TRPC6: variants seen among roughly 807,000 people sequenced by gnomAD.
TRPC6 encodes short transient receptor potential channel 6.
In TRPC6, 55 loss-of-function variants were observed where a neutral mutation model predicts 90.7. That is an observed-to-expected ratio of 0.61 (90% CI 0.49 to 0.76). The LOEUF (loss-of-function observed/expected upper bound fraction) is 0.76, where lower values mean the gene tolerates loss of function less well. Ranked by LOEUF, TRPC6 falls within the 30% of genes least tolerant of loss-of-function variation. The probability of loss-of-function intolerance (pLI) is 0.00; values close to 1 mark genes in which losing one functional copy is unlikely to be tolerated. For missense variants in TRPC6, 989 were observed against 1,122.7 expected, an observed-to-expected ratio of 0.88 and a Z score of 1.70; for synonymous variants, 393 against 393.0, an observed-to-expected ratio of 1.00 and a Z score of 0.00.
rs1251714929 is a variant in TRPC6 at position 101,558,201 on chromosome 11, G to C, written c.170+25133C>G. Among the ~76,000 whole-genome samples, 4 of 106,448 alleles carry C rather than the reference G, an allele frequency of 3.8e-5. 1 individual carries two copies. Among genetic ancestry groups the C allele is most frequent in the African/African-American group, 1.6e-4 (4 of 24,322 alleles). The allele number at this position is 106,448 out of a possible 152,430, so 69.8% of individuals were successfully genotyped here. A position where few individuals can be genotyped will look rare whatever the true frequency, so the allele number is the denominator to read the frequency against. ...TATATATAAACATACATATATATGT[G>C]TGTGTATACATGTATATATGTATAC... is the stretch of plus-strand genomic sequence containing the variant. On this transcript the variant is annotated intron_variant, in intron 1 of 12. Transcript: ENST00000344327.
chr11:101,547,671 A>G (rs914119818), intron 1 of TRPC6, among the ~76,000 whole-genome samples: 5 of 152,188 alleles, frequency 3.3e-5, no homozygotes, highest in African/African-American at 1.2e-4. Flanking sequence ...TGTAGAAGAC[A>G]TACTATGTTA....
chr11:101,526,789 G>A (rs564837959), intron 1 of TRPC6, among the ~76,000 whole-genome samples: 9 of 147,128 alleles, frequency 6.1e-5, no homozygotes, highest in South Asian at 4.3e-4. Flanking sequence ...TCGTCAACCC[G>A]GGAGGCGGAG....
intron 1 of TRPC6, among the ~76,000 whole-genome samples, chr11:101,570,012 A>C (rs960443572): frequency 2.0e-5 from 3 of 152,188 alleles, no homozygotes; most frequent in African/African-American, 7.2e-5. Flanking sequence ...ACAAGAAATA[A>C]GTAAGATCAG....
intron 1 of TRPC6, among the ~76,000 whole-genome samples, chr11:101,531,963 G>T (rs1262692171): frequency 6.6e-6 from 1 of 152,134 alleles, no homozygotes; most frequent in Non-Finnish European, 1.5e-5. Context: ...GAAGGTGTCG[G>T]CTCAGCAGTT....
In TRPC6 at chr11:101,473,782, A is replaced by G. The variant is rs778108776; in HGVS notation, c.1745-9T>C. The G allele has an allele frequency of 6.2e-7, 1 of 1,613,498 alleles. No homozygotes were observed. The highest frequency in any genetic ancestry group is 8.5e-7 in the Non-Finnish European group (1 of 1,179,606). On this transcript the variant is annotated splice_polypyrimidine_tract_variant and intron_variant, in intron 6 of 12. Transcript: ENST00000344327. Reference sequence around the variant, plus strand: ...GTCCCACTTTATCCTGGCTAGGAAAAAGCAAAGACAAAGAGTTGTGTGAGT... The same window carrying G: ...GTCCCACTTTATCCTGGCTAGGAAAGAGCAAAGACAAAGAGTTGTGTGAGT...
chr11:101,557,445 G>A (rs560297519), intron 1 of TRPC6, among the ~76,000 whole-genome samples: 66 of 152,138 alleles, frequency 4.3e-4, no homozygotes, highest in African/African-American at 1.5e-3. Flanking sequence ...TCTAATATCT[G>A]GAACAAGATA....
At chr11:101,467,474 C>T (rs533055126) in intron 10 of TRPC6, among the ~76,000 whole-genome samples, 4 of 152,280 alleles carry the variant, frequency 2.6e-5, no homozygotes, top group South Asian at 2.1e-4. Context: ...TTCAAAAGAA[C>T]ATTTGGATGT....
chr11:101,453,136 C>T, intron 12 of TRPC6, 30 bp from the exon 13 acceptor site: 1 of 1,609,300 alleles, frequency 6.2e-7, no homozygotes, highest in Non-Finnish European at 8.5e-7. Flanking sequence ...AAGAAGTCAA[C>T]TATAAATACG....
intron 1 of TRPC6, among the ~76,000 whole-genome samples, chr11:101,561,542 A>G (rs1861713576): frequency 2.0e-5 from 3 of 152,056 alleles, no homozygotes; most frequent in African/African-American, 7.2e-5. Context: ...CTTCTACTCT[A>G]CATCTGACCC....
At position 101,581,068 on chromosome 11, in the gene TRPC6, A is replaced by C. The variant is rs139608807; in HGVS notation, c.170+2266T>G. Reference sequence around the variant, plus strand: ...AGAACCTTTTGGAAATAATAGATTCATATAAAACCAAACCCAAATTCTAGA... The same window carrying C: ...AGAACCTTTTGGAAATAATAGATTCCTATAAAACCAAACCCAAATTCTAGA... On this transcript the variant is annotated intron_variant, in intron 1 of 12. Coordinates refer to ENST00000344327, the MANE Select transcript of TRPC6 (RefSeq NM_004621.6). Among the ~76,000 whole-genome samples, 836 of 152,368 alleles carry C rather than the reference A, an allele frequency of 5.5e-3. 7 individuals are homozygous for C. The highest frequency in any genetic ancestry group is 0.019 in the African/African-American group (791 of 41,592).
At chr11:101,555,793 T>G (rs1218501715) in intron 1 of TRPC6, among the ~76,000 whole-genome samples, 2 of 152,108 alleles carry the variant, frequency 1.3e-5, no homozygotes, top group Non-Finnish European at 1.5e-5. Flanking sequence ...TAAATAAAAT[T>G]TATTTACAAA....
chr11:101,510,577 A>C (rs988327967), intron 1 of TRPC6, among the ~76,000 whole-genome samples: 1 of 152,192 alleles, frequency 6.6e-6, no homozygotes, highest in African/African-American at 2.4e-5. Context: ...TATTTTTACA[A>C]GGTGTTTATC....
At chr11:101,555,491 T>C (rs552056410) in intron 1 of TRPC6, among the ~76,000 whole-genome samples, 16 of 152,338 alleles carry the variant, frequency 1.1e-4, no homozygotes, top group African/African-American at 3.6e-4. Flanking sequence ...TAGTTATCGA[T>C]GTGAGTCATC....
chr11:101,468,480 A>G (rs1173335368), intron 10 of TRPC6, among the ~76,000 whole-genome samples: 3 of 152,202 alleles, frequency 2.0e-5, no homozygotes, highest in Non-Finnish European at 4.4e-5. Flanking sequence ...ATTCCATGGG[A>G]TAGCCATATA....
intron 9 of TRPC6, among the ~76,000 whole-genome samples, chr11:101,470,701 T>C (rs1859268524): frequency 6.6e-6 from 1 of 152,252 alleles, no homozygotes; most frequent in South Asian, 2.1e-4. Context: ...AGCTCTTTCT[T>C]TCTTGAACTA....
In TRPC6 at chr11:101,558,201, G is replaced by A. The variant is rs1251714929; in HGVS notation, c.170+25133C>T. On this transcript the variant is annotated intron_variant, in intron 1 of 12. Coordinates refer to ENST00000344327, the MANE Select transcript of TRPC6 (RefSeq NM_004621.6). Reference sequence around the variant, plus strand: ...TATATATAAACATACATATATATGTGTGTGTATACATGTATATATGTATAC... The same window carrying A: ...TATATATAAACATACATATATATGTATGTGTATACATGTATATATGTATAC... 2.0e-4 allele frequency among the ~76,000 whole-genome samples: 21 copies of A among 106,404 alleles called. 4 individuals are homozygous for A. Among genetic ancestry groups the A allele is most frequent in the Non-Finnish European group, 3.6e-4 (20 of 55,860 alleles). The allele number at this position is 106,404 out of a possible 152,430, so 69.8% of individuals were successfully genotyped here.
intron 2 of TRPC6, among the ~76,000 whole-genome samples, chr11:101,499,609 A>G (rs1219438039): frequency 9.6e-6 from 1 of 103,764 alleles, no homozygotes; most frequent in Non-Finnish European, 2.0e-5. Context: ...TATATATGGT[A>G]TATATATATA....
chr11:101,583,065 G>A lies in TRPC6; in HGVS notation c.170+269C>T, dbSNP rs956730848. ...CACCCATCTAATCACCTGCAATGGT[G>A]GTGTTACTATGCGGTCTCACTCTCG... On this transcript the variant is annotated intron_variant, in intron 1 of 12. Transcript: ENST00000344327. The A allele has an allele frequency of 1.1e-5, 6 of 569,322 alleles. No homozygotes were observed. In the African/African-American group the frequency reaches 1.2e-4, roughly 12 times the overall value. The allele number at this position is 569,322 out of a possible 1,614,324, so 35.3% of individuals were successfully genotyped here.
At chr11:101,526,126 A>G (rs1044826560) in intron 1 of TRPC6, among the ~76,000 whole-genome samples, 1 of 152,190 alleles carries the variant, frequency 6.6e-6, no homozygotes, top group African/African-American at 2.4e-5. Flanking sequence ...AGAGTTGCAT[A>G]TATGTACATT....
Sources: gnomAD v4.1 joint callset for allele counts (sites outside exome capture counted in the v4.1 genomes callset) on GRCh38, gnomAD v4.1.1 for gene constraint, MANE v1.5 for transcripts, NCBI Gene and HGNC (gene_info 2026-07-23, HGNC 2026-07-21) for gene names.